Variants in EHMT1 observed in about 807,000 individuals in gnomAD.
EHMT1 encodes the protein histone-lysine N-methyltransferase EHMT1.
EHMT1 carries 15 observed loss-of-function variants against 147.2 expected under a neutral mutation model. That is an observed-to-expected ratio of 0.10 (90% CI 0.07 to 0.16). EHMT1 has a LOEUF of 0.16. Ranked by LOEUF, EHMT1 falls within the 10% of genes least tolerant of loss-of-function variation. The pLI is 1.00. For synonymous variants in EHMT1, 795 were observed against 709.6 expected (o/e 1.12, Z -1.91); for missense variants, 1,587 against 1,772.4 (o/e 0.90, Z 1.88).
At chr9:137,663,784 C>T (rs1052557233) in intron 1 of EHMT1, among the ~76,000 whole-genome samples, 1 of 152,164 alleles carries the variant, frequency 6.6e-6, no homozygotes, top group Non-Finnish European at 1.5e-5. Context: ...ATGTCTATAA[C>T]TAGCCTTCTG....
intron 1 of EHMT1, among the ~76,000 whole-genome samples, chr9:137,656,773 G>A (rs547336291): frequency 1.1e-3 from 169 of 151,718 alleles, no homozygotes; most frequent in Non-Finnish European, 1.9e-3. Context: ...ACAGCGTCTC[G>A]CTATTCCCCC....
intron 1 of EHMT1, among the ~76,000 whole-genome samples, chr9:137,684,261 G>A (rs1942230338): frequency 6.6e-6 from 1 of 152,070 alleles, no homozygotes; most frequent in African/African-American, 2.4e-5. Flanking sequence ...TCAAACTCCT[G>A]GACTCAAGCA....
At chr9:137,629,814 G>A (rs1178143367) in intron 1 of EHMT1, among the ~76,000 whole-genome samples, 2 of 152,202 alleles carry the variant, frequency 1.3e-5, no homozygotes, top group East Asian at 3.8e-4. Flanking sequence ...ATAGGCATGA[G>A]CCACCGCACC....
chr9:137,714,698 G>GTGCA (rs1215474948), intron 2 of EHMT1, among the ~76,000 whole-genome samples: 1 of 151,420 alleles, frequency 6.6e-6, no homozygotes, highest in Non-Finnish European at 1.5e-5. Flanking sequence ...GACTACAAGT[G>GTGCA]TGCACCTCCA....
chr9:137,718,527 G>C (rs1945584669), intron 3 of EHMT1, among the ~76,000 whole-genome samples: 1 of 152,194 alleles, frequency 6.6e-6, no homozygotes, highest in South Asian at 2.1e-4. Flanking sequence ...TTCAGCTCCA[G>C]AAGGATGCTC....
chr9:137,782,302 G>T lies in EHMT1; in HGVS notation c.2287G>T (p.Asp763Tyr). ...KVLLMLVDGIDPNFKMEHQNK... is the reference protein window; with the variant it reads ...KVLLMLVDGIYPNFKMEHQNK... ...GTGTTTGTTCACAGTGGACGGAATT[G>T]ACCCCAACTTCAAAATGGAGCACCA... is the stretch of plus-strand genomic sequence containing the variant. The change falls in exon 15 of 27, where the codon GAC becomes TAC. Residue 763 changes from aspartate (D) to tyrosine (Y), a missense_variant. Around this residue, in one of 7 missense-constraint regions of EHMT1, gnomAD observed 201 missense variants for 350.1 expected, o/e 0.57. Transcript: ENST00000460843. This position sits in a 1 kb window ranked among gnomAD's most constrained non-coding sequence, Gnocchi z 5.7. 1.9e-6 allele frequency: 3 copies of T among 1,613,630 alleles called. No homozygotes were observed. Among genetic ancestry groups the T allele is most frequent in the South Asian group, 2.2e-5 (2 of 90,986 alleles).
At chr9:137,778,094 C>A (rs1241620979) in intron 13 of EHMT1, 39 bp downstream of exon 13, 1 of 1,612,710 alleles carries the variant, frequency 6.2e-7, no homozygotes, top group South Asian at 1.1e-5. Context: ...GTCTCAGAGC[C>A]TGTTTTAATC....
chr9:137,673,624 T>A (rs569056756), intron 1 of EHMT1, among the ~76,000 whole-genome samples: 17 of 152,324 alleles, frequency 1.1e-4, no homozygotes, highest in African/African-American at 3.6e-4. Flanking sequence ...ACCAGACAAC[T>A]CCTGGCGAAA....
chr9:137,791,250 G>A (rs1462104154), intron 16 of EHMT1, among the ~76,000 whole-genome samples: 1 of 152,156 alleles, frequency 6.6e-6, no homozygotes, highest in Non-Finnish European at 1.5e-5. Flanking sequence ...GTCTCACCCT[G>A]TCTTCAGCCC....
chr9:137,797,949 C>G (rs540110366), intron 16 of EHMT1, among the ~76,000 whole-genome samples: 2 of 152,206 alleles, frequency 1.3e-5, no homozygotes, highest in Non-Finnish European at 2.9e-5. Context: ...TGGGCGGCAC[C>G]GGCTCCCCTG....
At position 137,828,022 on chromosome 9, in the gene EHMT1, G is replaced by A. The variant is rs993715946; in HGVS notation, c.3541-6327G>A. ...TGTGAAGGGGCTCCTTGTGCCAGCC[G>A]ACAGGGTGCGACGGGGTGGTCGGCC... On this transcript the variant is annotated intron_variant, in intron 25 of 26. Coordinates refer to ENST00000460843, the MANE Select transcript of EHMT1 (RefSeq NM_024757.5). The surrounding 1 kb of genome is among the most constrained non-coding windows in gnomAD (Gnocchi z 5.3). 6.6e-6 allele frequency among the ~76,000 whole-genome samples: 1 copy of A among 152,166 alleles called. No homozygotes were observed. The highest frequency in any genetic ancestry group is 1.5e-5 in the Non-Finnish European group (1 of 68,018).
intron 2 of EHMT1, 66 bp from the exon 3 acceptor site, chr9:137,716,531 TGTGGTGGTGTCATGGTGGGGGAGGAAGTG>T (rs1564627018): frequency 4.8e-4 from 450 of 929,428 alleles, no homozygotes; most frequent in Non-Finnish European, 5.8e-4. Flanking sequence ...GGGAGGAAGT[TGTGGTGGTGTCATGGTGGGGGAGGAAGTG>T]GTGGTGGTGG....
chr9:137,774,957 C>A, intron 10 of EHMT1, 152 bp from the exon 11 acceptor site: 1 of 1,075,114 alleles, frequency 9.3e-7, no homozygotes, highest in Non-Finnish European at 1.4e-6. Context: ...TCGATAAGTG[C>A]TTGCAAAGCC....
chr9:137,828,906 G>T lies in EHMT1; in HGVS notation c.3541-5443G>T, dbSNP rs1034639403. Among the ~76,000 whole-genome samples, 1 of 152,146 alleles carries T rather than the reference G, an allele frequency of 6.6e-6. No individual in the cohort carries two copies. The highest frequency in any genetic ancestry group is 1.5e-5 in the Non-Finnish European group (1 of 68,010). On this transcript the variant is annotated intron_variant, in intron 25 of 26. Transcript: ENST00000460843. This position sits in a 1 kb window ranked among gnomAD's most constrained non-coding sequence, Gnocchi z 5.3. ...TGCTGCGTGGGGGCTTGTGGAGCCT[G>T]CTAGGAATCCTGGGAAGAGCCCAGA...
chr9:137,744,574 T>A (rs1021577688), intron 6 of EHMT1, among the ~76,000 whole-genome samples: 1 of 152,218 alleles, frequency 6.6e-6, no homozygotes, highest in African/African-American at 2.4e-5. Flanking sequence ...CCCGCCTCAG[T>A]CTCCCAGTGT....
intron 1 of EHMT1, among the ~76,000 whole-genome samples, chr9:137,626,979 A>G (rs1843300551): frequency 1.3e-5 from 2 of 150,648 alleles, no homozygotes; most frequent in South Asian, 2.1e-4. Flanking sequence ...TTGTTTTGAG[A>G]CGGAGTCTCG....
chr9:137,621,959 AT>A (rs1022960663), intron 1 of EHMT1, among the ~76,000 whole-genome samples: 6 of 133,360 alleles, frequency 4.5e-5, no homozygotes, highest in Admixed American at 1.5e-4. Context: ...TTTTCTTTTT[AT>A]TTTTTTCTTT....
At chr9:137,683,431 C>T (rs948329461) in intron 1 of EHMT1, among the ~76,000 whole-genome samples, 8 of 152,286 alleles carry the variant, frequency 5.3e-5, no homozygotes, top group African/African-American at 1.2e-4. Flanking sequence ...AAACATTTAA[C>T]GACTGTGTGA....
chr9:137,759,202 A>G (rs1949618725), intron 9 of EHMT1, among the ~76,000 whole-genome samples: 1 of 152,122 alleles, frequency 6.6e-6, no homozygotes, highest in Non-Finnish European at 1.5e-5. Flanking sequence ...CATGGAAACG[A>G]TGATATTTTT....
Sources: gnomAD v4.1 joint callset for allele counts (sites outside exome capture counted in the v4.1 genomes callset) on GRCh38, gnomAD v4.1.1 for gene constraint, gnomAD v4.1.1 regional missense constraint, Gnocchi (gnomAD v3.1) non-coding constraint, MANE v1.5 for transcripts, NCBI Gene and HGNC (gene_info 2026-07-23, HGNC 2026-07-21) for gene names.